CDH18: variants seen among roughly 807,000 people sequenced by gnomAD.
CDH18 encodes the protein cadherin 18.
Under a neutral mutation model 67.9 loss-of-function variants are expected in CDH18, and 31 were observed. The observed-to-expected ratio is 0.46, with a 90% CI of 0.34 to 0.62. The LOEUF (loss-of-function observed/expected upper bound fraction) is 0.62. CDH18 is among the 20% of genes least tolerant of loss of function. CDH18 has a pLI of 0.01. For synonymous variants in CDH18, 362 were observed against 347.2 expected (o/e 1.04, Z -0.48); for missense variants, 890 against 975.5 (o/e 0.91, Z 1.17).
At chr5:19,724,441 T>C (rs911207999) in intron 4 of CDH18, among the ~76,000 whole-genome samples, 1 of 152,056 alleles carries the variant, frequency 6.6e-6, no homozygotes, top group Admixed American at 6.6e-5. Flanking sequence ...ATTTTGATTA[T>C]GGTAATTGAT....
chr5:19,541,559 T>C (rs760875842), intron 9 of CDH18, among the ~76,000 whole-genome samples: 50 of 152,152 alleles, frequency 3.3e-4, no homozygotes, highest in Non-Finnish European at 6.6e-4. Context: ...ATGGACTTAG[T>C]TTCACATGGC....
At chr5:20,056,386 T>A (rs1468590381) in intron 2 of CDH18, among the ~76,000 whole-genome samples, 1 of 149,422 alleles carries the variant, frequency 6.7e-6, no homozygotes, top group Non-Finnish European at 1.5e-5. Flanking sequence ...ACAAGCTGTT[T>A]TTTTTGTTTG....
intron 5 of CDH18, among the ~76,000 whole-genome samples, chr5:19,634,760 A>G (rs1033938616): frequency 3.3e-5 from 5 of 151,934 alleles, no homozygotes; most frequent in African/African-American, 4.8e-5. Flanking sequence ...CAAAATGGAG[A>G]AACTCTGTCT....
intron 2 of CDH18, among the ~76,000 whole-genome samples, chr5:19,898,559 T>C (rs560049082): frequency 6.6e-6 from 1 of 152,042 alleles, no homozygotes; most frequent in Admixed American, 6.6e-5. Flanking sequence ...AAAAAGGGTA[T>C]GTCCATGTAA....
chr5:19,768,936 A>G (rs1773412197), intron 3 of CDH18, among the ~76,000 whole-genome samples: 2 of 152,208 alleles, frequency 1.3e-5, no homozygotes, highest in Middle Eastern at 3.4e-3. Flanking sequence ...AAAACTTACT[A>G]GAAGGGCACA....
intron 2 of CDH18, among the ~76,000 whole-genome samples, chr5:19,853,231 T>A (rs1201297010): frequency 6.6e-6 from 1 of 152,126 alleles, no homozygotes; most frequent in African/African-American, 2.4e-5. Flanking sequence ...AGATGGCCAC[T>A]TGTTCCCTAT....
In CDH18 at chr5:19,516,427, C is replaced by A. The variant is rs571118703; in HGVS notation, c.1512+4230G>T. Reference sequence around the variant, plus strand: ...TGGAATAGTTTCAGAAGGAATGGTACCAGCTCCTCTTTGTACCTCTGGTAG... The same window carrying A: ...TGGAATAGTTTCAGAAGGAATGGTAACAGCTCCTCTTTGTACCTCTGGTAG... On this transcript the variant is annotated intron_variant, in intron 10 of 12. Transcript: ENST00000382275. 4.6e-5 allele frequency among the ~76,000 whole-genome samples: 7 copies of A among 152,238 alleles called. No individual in the cohort carries two copies. In the South Asian group the frequency reaches 1.5e-3, roughly 32 times the overall value.
intron 1 of CDH18, among the ~76,000 whole-genome samples, chr5:20,385,881 G>C (rs925190284): frequency 3.3e-5 from 5 of 152,078 alleles, no homozygotes; most frequent in Admixed American, 6.6e-5. Flanking sequence ...AGTTAAATTT[G>C]TGTTTTACTT....
intron 1 of CDH18, among the ~76,000 whole-genome samples, chr5:20,293,358 G>T (rs1447514946): frequency 6.6e-6 from 1 of 151,984 alleles, no homozygotes; most frequent in Non-Finnish European, 1.5e-5. Flanking sequence ...GTTCAGAGTG[G>T]TGCTAGTGGA....
At chr5:20,109,226 A>T (rs113748760) in intron 2 of CDH18, among the ~76,000 whole-genome samples, 10 of 152,230 alleles carry the variant, frequency 6.6e-5, no homozygotes, top group African/African-American at 2.4e-4. Flanking sequence ...AAACAACACA[A>T]GAAAGAGCTT....
rs1561694932 is a variant in CDH18 at position 19,994,250 on chromosome 5, C to CACATATATACACATATGTGTAT, written c.-517-2237_-517-2236insATACACATATGTGTATATATGT. On this transcript the variant is annotated intron_variant, in intron 2 of 14. Coordinates refer to the CDH18 transcript ENST00000507958. ...ATACATGTATATACACACACATATA[C>CACATATATACACATATGTGTAT]ACATATATACACATATATGTATACA... Among the ~76,000 whole-genome samples, 17 of 139,382 alleles carry CACATATATACACATATGTGTAT rather than the reference C, an allele frequency of 1.2e-4. No homozygotes were observed. The East Asian group carries it at 1.3e-3, about 11-fold the overall frequency. The allele number at this position is 139,382 out of a possible 152,430, so 91.4% of individuals were successfully genotyped here.
intron 8 of CDH18, among the ~76,000 whole-genome samples, chr5:19,564,766 C>T (rs1389196609): frequency 6.6e-6 from 1 of 152,088 alleles, no homozygotes. Flanking sequence ...CCTGGGGTCC[C>T]TGATTCCAGG....
intron 2 of CDH18, among the ~76,000 whole-genome samples, chr5:20,091,196 C>T (rs1745387320): frequency 6.6e-6 from 1 of 151,998 alleles, no homozygotes. Flanking sequence ...ATACAAAACA[C>T]ATTTTAAGGC....
intron 5 of CDH18, among the ~76,000 whole-genome samples, chr5:19,667,529 CAT>C (rs1301058584): frequency 6.0e-5 from 9 of 149,682 alleles, no homozygotes; most frequent in Non-Finnish European, 1.3e-4. Flanking sequence ...CACACACACA[CAT>C]ACACACACAT....
At chr5:20,461,000 G>A (rs1452584365) in intron 1 of CDH18, among the ~76,000 whole-genome samples, 1 of 152,080 alleles carries the variant, frequency 6.6e-6, no homozygotes, top group Non-Finnish European at 1.5e-5. Flanking sequence ...AGGAGTCCAC[G>A]TCTCAATTTT....
At chr5:20,023,885 C>T (rs1017728055) in intron 2 of CDH18, among the ~76,000 whole-genome samples, 1 of 152,136 alleles carries the variant, frequency 6.6e-6, no homozygotes, top group African/African-American at 2.4e-5. Context: ...ACAAATTGCT[C>T]AGCCTCTCTT....
chr5:20,014,114 A>AT (rs1403223912), intron 2 of CDH18, among the ~76,000 whole-genome samples: 1 of 152,176 alleles, frequency 6.6e-6, no homozygotes, highest in Non-Finnish European at 1.5e-5. Context: ...ACAGAGAGGC[A>AT]TAGAGGTACT....
At chr5:20,326,702 C>A (rs1190203398) in intron 1 of CDH18, among the ~76,000 whole-genome samples, 3 of 151,974 alleles carry the variant, frequency 2.0e-5, no homozygotes, top group Admixed American at 2.0e-4. Flanking sequence ...CCACACCCGG[C>A]TAATTTTTTG....
At chr5:20,406,675 T>C (rs917117047) in intron 1 of CDH18, among the ~76,000 whole-genome samples, 11 of 152,168 alleles carry the variant, frequency 7.2e-5, no homozygotes, top group African/African-American at 2.4e-4. Flanking sequence ...GGAGCACTAT[T>C]AATGTTATGT....
Sources: gnomAD v4.1 joint callset for allele counts (sites outside exome capture counted in the v4.1 genomes callset) on GRCh38, gnomAD v4.1.1 for gene constraint, MANE v1.5 for transcripts, NCBI Gene and HGNC (gene_info 2026-07-23, HGNC 2026-07-21) for gene names.